Variants in IGSF21 observed in about 807,000 individuals in gnomAD.
IGSF21 encodes the protein immunoglobulin superfamily member 21.
IGSF21 carries 28 observed loss-of-function variants against 46.8 expected under a neutral mutation model. The ratio of observed to expected loss-of-function variants is 0.60; its 90% CI spans 0.44 to 0.82. The LOEUF (loss-of-function observed/expected upper bound fraction) is 0.82, where lower values mean the gene tolerates loss of function less well. Ranked by LOEUF, IGSF21 falls within the 40% of genes least tolerant of loss-of-function variation. The pLI is 0.00. For missense variants in IGSF21, 624 were observed against 665.5 expected (o/e 0.94, Z 0.69); for synonymous variants, 284 against 273.6 (o/e 1.04, Z -0.38).
chr1:18,264,103 C>T (rs2124539472), intron 2 of IGSF21, among the ~76,000 whole-genome samples: 1 of 152,308 alleles, frequency 6.6e-6, no homozygotes, highest in African/African-American at 2.4e-5. Context: ...CCAAATAGTT[C>T]TTCAACTCAT....
intron 3 of IGSF21, among the ~76,000 whole-genome samples, chr1:18,312,133 C>T (rs77715399): frequency 0.02 from 3,004 of 152,306 alleles, 52 homozygotes; most frequent in East Asian, 0.098. Context: ...TTGTCTCCCT[C>T]TTGCACTAGA....
At chr1:18,126,013 G>A (rs994702849) in intron 1 of IGSF21, among the ~76,000 whole-genome samples, 4 of 152,188 alleles carry the variant, frequency 2.6e-5, no homozygotes, top group East Asian at 3.9e-4. Flanking sequence ...GGAGGACTTC[G>A]GTGAGGTTCT....
At chr1:18,178,013 C>T (rs540952212) in intron 1 of IGSF21, among the ~76,000 whole-genome samples, 33 of 152,002 alleles carry the variant, frequency 2.2e-4, no homozygotes, top group African/African-American at 8.0e-4. Flanking sequence ...TAAGCCATCA[C>T]ATAGATTTCA....
chr1:18,315,038 G>A (rs1279844881), intron 3 of IGSF21, among the ~76,000 whole-genome samples: 1 of 152,140 alleles, frequency 6.6e-6, no homozygotes, highest in African/African-American at 2.4e-5. Context: ...CCCAGGCAGA[G>A]GGGAGAGCAG....
Position 18,322,734 on chromosome 1 carries a change from G to A in IGSF21, c.306-12158G>A, listed in dbSNP as rs2085616226. 6.9e-6 allele frequency among the ~76,000 whole-genome samples: 1 copy of A among 145,168 alleles called. No homozygotes were observed. The highest frequency in any genetic ancestry group is 6.8e-5 in the Admixed American group (1 of 14,698). On this transcript the variant is annotated intron_variant, in intron 3 of 9. Transcript: ENST00000251296. The surrounding 1 kb of genome is among the most constrained non-coding windows in gnomAD (Gnocchi z 4.3). ...GCCCCTGCCCACCCCTGAACCCAGA[G>A]CCTGAGTCCAACAGGCTGACCAGTG...
rs1400403248 is a variant in IGSF21 at position 18,362,225 on chromosome 1, C to G, written c.535C>G (p.Pro179Ala). 2.5e-6 allele frequency: 4 copies of G among 1,609,478 alleles called. No individual in the cohort carries two copies. Among genetic ancestry groups the G allele is most frequent in the Middle Eastern group, 3.3e-4 (2 of 6,058 alleles). ...VCIVSGGKPA[P>A]MVYFKRDGEP... ...CATCGTGTCTGGAGGAAAACCAGCA[C>G]CCATGGTGAGTACCCCTGGAGTGCC... Residue 179 changes from proline to alanine, a missense_variant, in exon 5 of 10, where the codon CCC becomes GCC. Transcript: ENST00000251296.
At chr1:18,297,786 T>C (rs1052114331) in intron 3 of IGSF21, among the ~76,000 whole-genome samples, 1 of 151,988 alleles carries the variant, frequency 6.6e-6, no homozygotes, top group African/African-American at 2.4e-5. Flanking sequence ...ACTATATTTT[T>C]ATTTGTATTA....
At chr1:18,128,924 G>A (rs1056726014) in intron 1 of IGSF21, among the ~76,000 whole-genome samples, 2 of 152,070 alleles carry the variant, frequency 1.3e-5, no homozygotes, top group South Asian at 2.1e-4. Context: ...AGCCTCCAGC[G>A]CTTGGGTGAG....
intron 1 of IGSF21, among the ~76,000 whole-genome samples, chr1:18,192,204 A>C (rs1017561580): frequency 2.0e-5 from 3 of 152,164 alleles, no homozygotes; most frequent in African/African-American, 7.2e-5. Context: ...AATGGGGATC[A>C]TGCTCCCACT....
intron 4 of IGSF21, among the ~76,000 whole-genome samples, chr1:18,348,487 C>T (rs1252528584): frequency 6.6e-6 from 1 of 152,202 alleles, no homozygotes; most frequent in African/African-American, 2.4e-5. Flanking sequence ...TTTATCCTCT[C>T]CACCCCTGGG....
intron 3 of IGSF21, among the ~76,000 whole-genome samples, chr1:18,321,280 C>T (rs1465544827): frequency 6.6e-6 from 1 of 152,184 alleles, no homozygotes; most frequent in Non-Finnish European, 1.5e-5. Flanking sequence ...TCTGATGCCT[C>T]GATGACCCCA....
intron 2 of IGSF21, among the ~76,000 whole-genome samples, chr1:18,262,812 G>C (rs1436212284): frequency 6.6e-6 from 1 of 152,182 alleles, no homozygotes; most frequent in Non-Finnish European, 1.5e-5. Context: ...CTAGAGACCT[G>C]GCCTCAAGGG....
At chr1:18,201,720 G>T (rs553195480) in intron 1 of IGSF21, among the ~76,000 whole-genome samples, 1 of 152,206 alleles carries the variant, frequency 6.6e-6, no homozygotes, top group Middle Eastern at 3.4e-3. Context: ...TGTGTGTCGG[G>T]GGGTCTGTCC....
chr1:18,257,581 C>T (rs2084903724), intron 2 of IGSF21, among the ~76,000 whole-genome samples: 1 of 152,074 alleles, frequency 6.6e-6, no homozygotes, highest in African/African-American at 2.4e-5. Flanking sequence ...TTCTAGGATT[C>T]CTGATGCACT....
At chr1:18,330,098 C>T (rs988272122) in intron 3 of IGSF21, among the ~76,000 whole-genome samples, 5 of 152,368 alleles carry the variant, frequency 3.3e-5, no homozygotes, top group Admixed American at 6.5e-5. Context: ...TCACCCCCCT[C>T]GGGTCCCTGC....
intron 1 of IGSF21, 115 bp from the exon 2 acceptor site, chr1:18,227,783 A>G (rs183747395): frequency 7.8e-5 from 57 of 730,900 alleles, no homozygotes; most frequent in Admixed American, 2.9e-4. Flanking sequence ...AAGTTGTGCA[A>G]CTACAGACCC....
chr1:18,244,545 T>C (rs915057055), intron 2 of IGSF21, among the ~76,000 whole-genome samples: 20 of 152,246 alleles, frequency 1.3e-4, no homozygotes, highest in Admixed American at 9.8e-4. Context: ...CAAGTCCAGC[T>C]GCATTGCTGA....
chr1:18,262,412 C>T (rs547359383), intron 2 of IGSF21, among the ~76,000 whole-genome samples: 2 of 152,284 alleles, frequency 1.3e-5, no homozygotes, highest in African/African-American at 4.8e-5. Context: ...GCTTTGAATC[C>T]TGGCCCTGTC....
chr1:18,320,741 C>T (rs1019258560), intron 3 of IGSF21, among the ~76,000 whole-genome samples: 1 of 152,216 alleles, frequency 6.6e-6, no homozygotes. Flanking sequence ...ACTTGAGTTC[C>T]TGCCCAATTC....
Sources: gnomAD v4.1 joint callset for allele counts (sites outside exome capture counted in the v4.1 genomes callset) on GRCh38, gnomAD v4.1.1 for gene constraint, Gnocchi (gnomAD v3.1) non-coding constraint, MANE v1.5 for transcripts, NCBI Gene and HGNC (gene_info 2026-07-23, HGNC 2026-07-21) for gene names.